The following CACNA2D3 variants were observed in gnomAD, a reference collection of about 807,000 sequenced individuals.
CACNA2D3 encodes calcium voltage-gated channel auxiliary subunit alpha2delta 3.
Under a neutral mutation model 160.6 loss-of-function variants are expected in CACNA2D3, and 60 were observed. The ratio of observed to expected loss-of-function variants is 0.37; its 90% CI spans 0.30 to 0.46. The LOEUF is 0.46. CACNA2D3 is among the 20% of genes least tolerant of loss of function. The pLI is 1.00. For missense variants in CACNA2D3, 1,205 were observed against 1,365.0 expected (o/e 0.88, Z 1.85); for synonymous variants, 558 against 492.9 (o/e 1.13, Z -1.75).
rs1218936628 is a variant in CACNA2D3, at chr3:54,280,060, GTTTGTTTGTTTATTTATTTA to G, written c.205-40378_205-40359del. On this transcript the variant is annotated intron_variant, in intron 2 of 37. Transcript: ENST00000474759. The stretch of plus-strand genomic sequence containing the variant: ...ACCAACAAAGATGACTTGTTTGTTT[GTTTGTTTGTTTATTTATTTA>G]TTTATTTATTTATTTATTTGAGACG... Among the ~76,000 whole-genome samples the G allele has an allele frequency of 4.3e-3, 639 of 148,868 alleles. 5 individuals are homozygous for G. Among genetic ancestry groups the G allele is most frequent in the African/African-American group, 0.015 (600 of 39,764 alleles).
At chr3:54,639,975 G>C (rs894656258) in intron 10 of CACNA2D3, 1 of 153,526 alleles carries the variant, frequency 6.5e-6, no homozygotes, top group African/African-American at 2.4e-5. Flanking sequence ...GCTCAGTGGG[G>C]GTGCTTTTTG....
intron 4 of CACNA2D3, among the ~76,000 whole-genome samples, chr3:54,476,384 T>A (rs1447562345): frequency 6.6e-6 from 1 of 152,022 alleles, no homozygotes; most frequent in Non-Finnish European, 1.5e-5. Context: ...TGCAGCTGTC[T>A]CTTTGAGATA....
At chr3:54,471,962 A>G (rs1363447937) in intron 4 of CACNA2D3, among the ~76,000 whole-genome samples, 1 of 152,174 alleles carries the variant, frequency 6.6e-6, no homozygotes, top group East Asian at 1.9e-4. Flanking sequence ...GAATTCTACC[A>G]GAGGTACAAA....
chr3:55,073,736 A>C (rs1300290937), intron 36 of CACNA2D3, 41 bp from the exon 37 acceptor site: 1 of 1,552,084 alleles, frequency 6.4e-7, no homozygotes, highest in East Asian at 2.3e-5. Flanking sequence ...TGCAGAGTAG[A>C]AAAAAGCAAT....
chr3:54,881,654 T>G (rs2106843511), intron 21 of CACNA2D3, among the ~76,000 whole-genome samples: 1 of 152,298 alleles, frequency 6.6e-6, no homozygotes, highest in South Asian at 2.1e-4. Flanking sequence ...AGTGACTCAC[T>G]TGCAGGTCAT....
chr3:55,015,867 G>T (rs963370408), intron 34 of CACNA2D3, among the ~76,000 whole-genome samples: 68 of 152,268 alleles, frequency 4.5e-4, no homozygotes, highest in African/African-American at 1.6e-3. Flanking sequence ...CACTGAAAAA[G>T]ATTTGGGAAG....
chr3:54,896,884 T>C lies in CACNA2D3; in HGVS notation c.2368+14T>C, dbSNP rs1291596352. On this transcript the variant is annotated intron_variant, in intron 26 of 37. Coordinates refer to ENST00000474759, the MANE Select transcript of CACNA2D3 (RefSeq NM_018398.3). The stretch of plus-strand genomic sequence containing the variant: ...CATTCAGCACTGGTGGGTGCCCTTG[T>C]TGGAGGCGGGCTCTGTCTGTCTGGT... The C allele has an allele frequency of 6.2e-7, 1 of 1,613,788 alleles. No homozygotes were observed. Among genetic ancestry groups the C allele is most frequent in the Non-Finnish European group, 8.5e-7 (1 of 1,179,866 alleles).
intron 29 of CACNA2D3, among the ~76,000 whole-genome samples, chr3:54,982,468 A>G (rs866517026): frequency 6.6e-6 from 1 of 152,266 alleles, no homozygotes; most frequent in Non-Finnish European, 1.5e-5. Context: ...CAACTGGTGC[A>G]TGCAGATGAT....
At chr3:54,169,966 T>A (rs1356907408) in intron 2 of CACNA2D3, among the ~76,000 whole-genome samples, 2 of 151,964 alleles carry the variant, frequency 1.3e-5, no homozygotes, top group African/African-American at 2.4e-5. Flanking sequence ...GGTGGGCTGA[T>A]CACCTGATGT....
intron 27 of CACNA2D3, among the ~76,000 whole-genome samples, chr3:54,937,995 C>T (rs1701372585): frequency 6.6e-6 from 1 of 152,188 alleles, no homozygotes; most frequent in Non-Finnish European, 1.5e-5. Context: ...TGCTGTCCCT[C>T]AGTATGCTTC....
At chr3:54,746,569 A>G (rs1701756966) in intron 11 of CACNA2D3, among the ~76,000 whole-genome samples, 1 of 152,198 alleles carries the variant, frequency 6.6e-6, no homozygotes, top group Non-Finnish European at 1.5e-5. Context: ...AAAATTTAGA[A>G]CCCATGAATG....
In CACNA2D3 at chr3:54,809,323, T is replaced by TC. The variant is rs1559590278; in HGVS notation, c.1381-7530_1381-7529insC. Among the ~76,000 whole-genome samples, 87 of 110,476 alleles carry TC rather than the reference T, an allele frequency of 7.9e-4. 5 individuals are homozygous for TC. Among genetic ancestry groups the TC allele is most frequent in the African/African-American group, 2.9e-3 (66 of 23,126 alleles). 72.5% of individuals were successfully genotyped at this position (110,476 alleles called of 152,430 possible). A position where few individuals can be genotyped will look rare whatever the true frequency, so the allele number is the denominator to read the frequency against. On this transcript the variant is annotated intron_variant, in intron 13 of 37. Transcript: ENST00000474759. Reference sequence around the variant, plus strand: ...TCCTTCCTTCTTTCTTTTTTTTTTTTTTTTTTGAGACGGAGTCTCGCTCTG... The same window carrying TC: ...TCCTTCCTTCTTTCTTTTTTTTTTTTCTTTTTTGAGACGGAGTCTCGCTCTG...
Position 54,148,974 on chromosome 3 carries a change from C to CA in CACNA2D3, c.204+25402dup, listed in dbSNP as rs543235870. 6.5e-3 allele frequency among the ~76,000 whole-genome samples: 754 copies of CA among 116,424 alleles called. 7 individuals are homozygous for CA. The highest frequency in any genetic ancestry group is 0.013 in the South Asian group (44 of 3,306). The allele number at this position is 116,424 out of a possible 152,430, so 76.4% of individuals were successfully genotyped here. On this transcript the variant is annotated intron_variant, in intron 2 of 37. Transcript: ENST00000474759. ...CCTGGGTGACAGAGCAAAACTCCAT[C>CA]AAAAAAAAAAAAAAAAAAAAAATAG...
rs1312235453 is a variant in CACNA2D3 at position 54,522,948 on chromosome 3, A to G, written c.544+19294A>G. 2.6e-5 allele frequency among the ~76,000 whole-genome samples: 4 copies of G among 151,632 alleles called. No individual in the cohort carries two copies. In the East Asian group the frequency reaches 7.9e-4, roughly 30 times the overall value. On this transcript the variant is annotated intron_variant, in intron 5 of 37. Transcript: ENST00000474759. ...TATTTATTTATTTACTTACTTACTT[A>G]CTTACTTACTTACTTACTTACTTAC...
At chr3:54,470,303 A>T (rs1700706508) in intron 4 of CACNA2D3, among the ~76,000 whole-genome samples, 1 of 152,246 alleles carries the variant, frequency 6.6e-6, no homozygotes, top group Non-Finnish European at 1.5e-5. Context: ...AAGAATTTTC[A>T]ACCCAGAATT....
At chr3:54,402,884 A>C (rs1407685307) in intron 4 of CACNA2D3, among the ~76,000 whole-genome samples, 2 of 152,232 alleles carry the variant, frequency 1.3e-5, no homozygotes, top group Non-Finnish European at 2.9e-5. Context: ...GTAAGCCACA[A>C]AGTAAGTCTT....
intron 13 of CACNA2D3, chr3:54,789,807 A>G (rs904461835): frequency 5.9e-6 from 3 of 508,762 alleles, no homozygotes; most frequent in South Asian, 1.4e-5. Flanking sequence ...AGTTTGGCTC[A>G]CATCTAAAGT....
At chr3:54,403,197 T>TA (rs1158154301) in intron 4 of CACNA2D3, among the ~76,000 whole-genome samples, 1 of 150,772 alleles carries the variant, frequency 6.6e-6, no homozygotes, top group African/African-American at 2.4e-5. Flanking sequence ...CTGCAAAAAA[T>TA]AAAAAAAAGT....
At chr3:54,565,623 G>C (rs1702397759) in intron 6 of CACNA2D3, among the ~76,000 whole-genome samples, 1 of 152,166 alleles carries the variant, frequency 6.6e-6, no homozygotes, top group African/African-American at 2.4e-5. Context: ...AGGTGAGGCT[G>C]AGGAACTGAA....
Sources: gnomAD v4.1 joint callset for allele counts (sites outside exome capture counted in the v4.1 genomes callset) on GRCh38, gnomAD v4.1.1 for gene constraint, MANE v1.5 for transcripts, NCBI Gene and HGNC (gene_info 2026-07-23, HGNC 2026-07-21) for gene names.